Variants in RFTN2 observed in about 807,000 individuals in gnomAD.
The protein encoded by RFTN2 is raftlin-2.
In RFTN2, 34 loss-of-function variants were observed where a neutral mutation model predicts 52.7. The ratio of observed to expected loss-of-function variants is 0.64; its 90% CI spans 0.49 to 0.86. The LOEUF (loss-of-function observed/expected upper bound fraction) is 0.86. Ranked by LOEUF, RFTN2 falls within the 40% of genes least tolerant of loss-of-function variation. The probability of loss-of-function intolerance (pLI) is 0.00; values close to 1 mark genes in which losing one functional copy is unlikely to be tolerated. For missense variants in RFTN2, 536 were observed against 600.1 expected, an observed-to-expected ratio of 0.89 and a Z score of 1.12; for synonymous variants, 203 against 217.7, an observed-to-expected ratio of 0.93 and a Z score of 0.59.
At chr2:197,580,870 A>C (rs534815396) in intron 8 of RFTN2, among the ~76,000 whole-genome samples, 2 of 152,190 alleles carry the variant, frequency 1.3e-5, no homozygotes, top group East Asian at 3.9e-4. Flanking sequence ...CAGTTCCCTT[A>C]TTAGGCTGAC....
chr2:197,593,800 T>G (rs899268000), intron 8 of RFTN2, among the ~76,000 whole-genome samples: 2 of 147,894 alleles, frequency 1.4e-5, no homozygotes, highest in African/African-American at 5.0e-5. Flanking sequence ...GGCAGGAGAA[T>G]CACTTAACCA....
chr2:197,617,024 G>A lies in RFTN2; in HGVS notation c.1050+776C>T, dbSNP rs148319388. The stretch of plus-strand genomic sequence containing the variant: ...GAATTCAGGGTGCACAACATCAGCA[G>A]CAATGTCATCTCTGTTTGTGAAGGA... On this transcript the variant is annotated intron_variant, in intron 6 of 8. Coordinates refer to ENST00000295049, the MANE Select transcript of RFTN2 (RefSeq NM_144629.3). Among the ~76,000 whole-genome samples the A allele has an allele frequency of 8.2e-3, 1,253 of 152,310 alleles. 8 individuals carry two copies. Among genetic ancestry groups the A allele is most frequent in the Non-Finnish European group, 0.013 (890 of 68,026 alleles).
intron 1 of RFTN2, among the ~76,000 whole-genome samples, chr2:197,671,905 A>G (rs2089152613): frequency 6.6e-6 from 1 of 152,222 alleles, no homozygotes; most frequent in South Asian, 2.1e-4. Context: ...CTGGAATTAT[A>G]CAAGGAGGTA....
rs776694203 is a variant in RFTN2 at position 197,633,744 on chromosome 2, G to A, written c.692C>T (p.Thr231Ile). The change falls in exon 4 of 9, where the codon ACT (threonine) becomes ATT (isoleucine). Residue 231 changes from threonine to isoleucine, a missense_variant. Transcript: ENST00000295049. ...QYQMEQNGSPTSSKSRKGEAS... is the reference protein window; with the variant it reads ...QYQMEQNGSPISSKSRKGEAS... ...TTCTCCCTTTCTTGATTTAGAGGAA[G>A]TAGGGCTGCCATTTTGTTCCATTTG... The A allele has an allele frequency of 8.1e-6, 13 of 1,613,262 alleles. No homozygotes were observed. The highest frequency in any genetic ancestry group is 1.0e-5 in the Non-Finnish European group (12 of 1,179,558).
At chr2:197,577,569 C>G (rs2087439132) in intron 8 of RFTN2, among the ~76,000 whole-genome samples, 1 of 152,230 alleles carries the variant, frequency 6.6e-6, no homozygotes, top group Non-Finnish European at 1.5e-5. Context: ...CATTGGTCAG[C>G]AAGGATACAG....
chr2:197,595,464 T>C (rs1047218771), intron 8 of RFTN2, among the ~76,000 whole-genome samples: 2 of 152,168 alleles, frequency 1.3e-5, no homozygotes, highest in Admixed American at 1.3e-4. Context: ...TTATATACCA[T>C]TTTAACAAAG....
intron 1 of RFTN2, among the ~76,000 whole-genome samples, chr2:197,660,793 A>C (rs2088966958): frequency 1.3e-5 from 2 of 152,034 alleles, no homozygotes; most frequent in Admixed American, 1.3e-4. Flanking sequence ...TCCTGGCCTG[A>C]AGTGATCTGC....
At chr2:197,618,583 C>T (rs2088191622) in intron 5 of RFTN2, among the ~76,000 whole-genome samples, 1 of 151,758 alleles carries the variant, frequency 6.6e-6, no homozygotes, top group Non-Finnish European at 1.5e-5. Context: ...TGCCTGGCTG[C>T]CCAGTCTGGA....
At chr2:197,644,576 C>G (rs916538475) in intron 2 of RFTN2, among the ~76,000 whole-genome samples, 1 of 152,116 alleles carries the variant, frequency 6.6e-6, no homozygotes, top group African/African-American at 2.4e-5. Flanking sequence ...TATATCTTAT[C>G]GAACAAAAGC....
chr2:197,660,476 A>G (rs1163504959), intron 1 of RFTN2, among the ~76,000 whole-genome samples: 1 of 152,164 alleles, frequency 6.6e-6, no homozygotes, highest in Non-Finnish European at 1.5e-5. Flanking sequence ...TATTTTACAT[A>G]TTTATGAAGT....
chr2:197,632,467 T>C (rs953971808), intron 4 of RFTN2, among the ~76,000 whole-genome samples: 1 of 152,212 alleles, frequency 6.6e-6, no homozygotes, highest in Admixed American at 6.5e-5. Flanking sequence ...AAGGACATGT[T>C]TGCTTTCCCT....
chr2:197,599,518 A>T (rs2087848232), intron 7 of RFTN2, among the ~76,000 whole-genome samples: 1 of 152,070 alleles, frequency 6.6e-6, no homozygotes, highest in Non-Finnish European at 1.5e-5. Flanking sequence ...GAGAAAGAGG[A>T]AGGAGGTGGC....
intron 8 of RFTN2, among the ~76,000 whole-genome samples, chr2:197,591,635 G>A (rs1240624792): frequency 6.6e-6 from 1 of 152,194 alleles, no homozygotes; most frequent in Non-Finnish European, 1.5e-5. Context: ...CTCCGGTGGT[G>A]CAGGAGCCCA....
At chr2:197,675,225 A>G in intron 1 of RFTN2, 95 bp downstream of exon 1, 1 of 925,450 alleles carries the variant, frequency 1.1e-6, no homozygotes, top group South Asian at 2.6e-5. Context: ...TCTCATTATG[A>G]AGAACAGTTT....
chr2:197,605,803 T>C (rs1343728547), intron 7 of RFTN2, among the ~76,000 whole-genome samples: 28 of 152,142 alleles, frequency 1.8e-4, no homozygotes, highest in Admixed American at 1.8e-3. Flanking sequence ...AGGAAAATCA[T>C]TTACTATTCC....
intron 1 of RFTN2, among the ~76,000 whole-genome samples, chr2:197,650,695 A>G (rs1415617811): frequency 6.6e-6 from 1 of 152,176 alleles, no homozygotes; most frequent in Non-Finnish European, 1.5e-5. Context: ...CCATCTGTCT[A>G]TGAACATGTG....
intron 8 of RFTN2, among the ~76,000 whole-genome samples, chr2:197,586,649 T>C (rs1014208967): frequency 2.0e-5 from 3 of 152,210 alleles, no homozygotes; most frequent in African/African-American, 7.2e-5. Context: ...TAGGACTTTC[T>C]GCGTCCACTA....
intron 7 of RFTN2, among the ~76,000 whole-genome samples, chr2:197,608,310 A>ATTTT (rs753519789): frequency 1.9e-4 from 25 of 132,232 alleles, no homozygotes; most frequent in African/African-American, 6.5e-4. Flanking sequence ...TAGGGACCAG[A>ATTTT]TTTTTTTTTT....
intron 3 of RFTN2, among the ~76,000 whole-genome samples, chr2:197,640,420 C>T (rs560036563): frequency 0.021 from 3,151 of 152,140 alleles, 30 homozygotes; most frequent in African/African-American, 0.058. Context: ...GAGCCAGGTG[C>T]CGGATATAAT....
Sources: allele counts gnomAD v4.1 joint callset (sites outside exome capture counted in the v4.1 genomes callset), GRCh38; gene constraint gnomAD v4.1.1; transcripts MANE v1.5; gene names NCBI Gene and HGNC (gene_info 2026-07-23, HGNC 2026-07-21).